The following SHB variants were observed in gnomAD, a reference collection of about 807,000 sequenced individuals.
SHB encodes SH2 domain containing adaptor protein B.
A neutral mutation model predicts 52.3 loss-of-function variants in SHB; 20 were observed. That is an observed-to-expected ratio of 0.38 (90% CI 0.27 to 0.56). The LOEUF (loss-of-function observed/expected upper bound fraction) is 0.56, where lower values mean the gene tolerates loss of function less well. Among genes scored for constraint, SHB ranks in the 20% least tolerant of loss-of-function variants. SHB has a pLI of 0.71. For missense variants in SHB, 825 were observed against 723.3 expected (o/e 1.14, Z -1.61); for synonymous variants, 397 against 316.5 (o/e 1.25, Z -2.70).
intron 1 of SHB, among the ~76,000 whole-genome samples, chr9:38,026,529 G>C (rs977593049): frequency 3.9e-5 from 6 of 152,232 alleles, no homozygotes; most frequent in African/African-American, 1.4e-4. Context: ...CTCTCCCCAA[G>C]AGTCACTCTC....
At chr9:38,011,112 G>A (rs143816200) in intron 2 of SHB, among the ~76,000 whole-genome samples, 122 of 152,280 alleles carry the variant, frequency 8.0e-4, no homozygotes, top group African/African-American at 2.6e-3. Context: ...AGTGTCCAGC[G>A]CCCTTCCTGC....
intron 1 of SHB, among the ~76,000 whole-genome samples, chr9:38,032,108 T>C (rs142932507): frequency 4.9e-4 from 75 of 152,218 alleles, no homozygotes; most frequent in African/African-American, 1.7e-3. Context: ...AGCGCCTGAG[T>C]GTTCTAGAGG....
chr9:37,916,750 T>C lies in SHB; in HGVS notation c.*3071A>G, dbSNP rs985956419. 6.6e-5 allele frequency among the ~76,000 whole-genome samples: 10 copies of C among 151,898 alleles called. No individual in the cohort carries two copies. On this transcript the variant is annotated 3_prime_UTR_variant, in exon 6 of 6. Transcript: ENST00000377707. ...ACTTCAGGACGGGACTGGCAGGCGG[T>C]GGGGCCCTCTTCCCCTACAAAGCCT...
intron 4 of SHB, among the ~76,000 whole-genome samples, chr9:37,952,561 A>C (rs997493892): frequency 6.6e-6 from 1 of 152,222 alleles, no homozygotes; most frequent in African/African-American, 2.4e-5. Flanking sequence ...ACAGTCAGTC[A>C]GGTTGGCGTG....
chr9:37,994,213 C>A (rs1259623066), intron 2 of SHB, among the ~76,000 whole-genome samples: 6 of 152,180 alleles, frequency 3.9e-5, no homozygotes, highest in Non-Finnish European at 5.9e-5. Context: ...TCTCAGCTGG[C>A]CACTCCAAGC....
At chr9:37,991,474 T>C (rs1233291196) in intron 2 of SHB, among the ~76,000 whole-genome samples, 2 of 152,240 alleles carry the variant, frequency 1.3e-5, no homozygotes, top group Non-Finnish European at 2.9e-5. Context: ...GAAATTAAGT[T>C]TGGAACAAAT....
intron 5 of SHB, among the ~76,000 whole-genome samples, chr9:37,925,029 G>A (rs1017469262): frequency 1.3e-5 from 2 of 152,220 alleles, no homozygotes; most frequent in Non-Finnish European, 2.9e-5. Flanking sequence ...CCATTGTGAT[G>A]TTTCTCAGCA....
chr9:37,978,556 G>A (rs1820681327), intron 2 of SHB, among the ~76,000 whole-genome samples: 1 of 152,240 alleles, frequency 6.6e-6, no homozygotes, highest in South Asian at 2.1e-4. Flanking sequence ...TAAAATGCAA[G>A]ATTGTTTATG....
At chr9:37,985,137 G>A (rs1352074468) in intron 2 of SHB, among the ~76,000 whole-genome samples, 1 of 152,246 alleles carries the variant, frequency 6.6e-6, no homozygotes, top group Non-Finnish European at 1.5e-5. Context: ...AGGGCTGTGG[G>A]ACAACAATGG....
At chr9:37,962,338 C>T (rs142920262) in intron 3 of SHB, among the ~76,000 whole-genome samples, 146 of 152,236 alleles carry the variant, frequency 9.6e-4, no homozygotes, top group African/African-American at 3.4e-3. Flanking sequence ...ATTCCCGATA[C>T]CTAAAACAGT....
chr9:38,059,412 T>C (rs1307605786), intron 1 of SHB, among the ~76,000 whole-genome samples: 1 of 152,176 alleles, frequency 6.6e-6, no homozygotes, highest in Non-Finnish European at 1.5e-5. Flanking sequence ...TACAGCATAA[T>C]GGGAAATCCA....
chr9:38,059,837 C>T (rs994451670), intron 1 of SHB, among the ~76,000 whole-genome samples: 1 of 152,170 alleles, frequency 6.6e-6, no homozygotes, highest in Non-Finnish European at 1.5e-5. Context: ...GGGAAGAATG[C>T]ACTCCTCCCC....
chr9:37,988,526 T>C (rs980494580), intron 2 of SHB, among the ~76,000 whole-genome samples: 1 of 152,182 alleles, frequency 6.6e-6, no homozygotes, highest in Non-Finnish European at 1.5e-5. Context: ...CCTGGCATCC[T>C]GACCACCTTC....
intron 2 of SHB, among the ~76,000 whole-genome samples, chr9:37,997,319 TG>T (rs1820958481): frequency 6.6e-6 from 1 of 152,098 alleles, no homozygotes; most frequent in Non-Finnish European, 1.5e-5. Flanking sequence ...ACGAAACCAC[TG>T]GTGGGTCCCC....
intron 1 of SHB, among the ~76,000 whole-genome samples, chr9:38,029,483 A>AT (rs928114480): frequency 2.6e-4 from 38 of 148,574 alleles, no homozygotes; most frequent in South Asian, 1.3e-3. Context: ...TTGCTATGAG[A>AT]TTTTTTTTTT....
intron 2 of SHB, among the ~76,000 whole-genome samples, chr9:37,990,169 C>T (rs1820865518): frequency 6.6e-6 from 1 of 151,674 alleles, no homozygotes; most frequent in African/African-American, 2.4e-5. Flanking sequence ...CCTCTAGGTG[C>T]CCTGCTGACA....
At chr9:37,978,316 T>C (rs980422663) in intron 2 of SHB, among the ~76,000 whole-genome samples, 1 of 152,192 alleles carries the variant, frequency 6.6e-6, no homozygotes, top group African/African-American at 2.4e-5. Flanking sequence ...GGACTAGTAA[T>C]GGCATGCAGT....
intron 5 of SHB, 77 bp downstream of exon 5, chr9:37,948,558 T>C (rs1587206062): frequency 6.3e-7 from 1 of 1,575,372 alleles, no homozygotes; most frequent in South Asian, 1.1e-5. Context: ...GGCGGGTTTT[T>C]CTGCCACAGA....
At chr9:37,965,578 T>C (rs1361026653) in intron 3 of SHB, among the ~76,000 whole-genome samples, 1 of 149,666 alleles carries the variant, frequency 6.7e-6, no homozygotes, top group Non-Finnish European at 1.5e-5. Context: ...TCAAATATCT[T>C]TTTTTTTTTT....
Sources: gnomAD v4.1 joint callset for allele counts (sites outside exome capture counted in the v4.1 genomes callset) on GRCh38, gnomAD v4.1.1 for gene constraint, MANE v1.5 for transcripts, NCBI Gene and HGNC (gene_info 2026-07-23, HGNC 2026-07-21) for gene names.